The following WDR7 variants were observed in gnomAD, a reference collection of about 807,000 sequenced individuals.
The protein encoded by WDR7 is WD repeat domain 7.
Under a neutral mutation model 169.4 loss-of-function variants are expected in WDR7, and 46 were observed. That is an observed-to-expected ratio of 0.27 (90% CI 0.21 to 0.35). The LOEUF is 0.35. WDR7 is among the 10% of genes least tolerant of loss of function. The pLI, the probability that WDR7 is intolerant of heterozygous loss-of-function variation, is 1.00. For missense variants in WDR7, 1,534 were observed against 1,859.3 expected (o/e 0.83, Z 3.22); for synonymous variants, 612 against 666.8 (o/e 0.92, Z 1.27).
intron 15 of WDR7, among the ~76,000 whole-genome samples, chr18:56,758,065 GAAGTA>G (rs1301977027): frequency 6.6e-6 from 1 of 152,088 alleles, no homozygotes; most frequent in Non-Finnish European, 1.5e-5. Context: ...AATTTTGTGA[GAAGTA>G]TAGTCAGAAT....
Position 56,694,765 on chromosome 18 carries a change from T to C in WDR7, c.1108+5T>C. On this transcript the variant is annotated splice_donor_5th_base_variant and intron_variant, in intron 10 of 27. Transcript: ENST00000254442. ...ATAAACAGGGAAGTGAAGAAGGTAA[T>C]AGTAAATCATGTGTAACAATTTCTT... 6.3e-7 allele frequency: 1 copy of C among 1,599,906 alleles called. No homozygotes were observed. The highest frequency in any genetic ancestry group is 8.5e-7 in the Non-Finnish European group (1 of 1,174,354).
intron 26 of WDR7, among the ~76,000 whole-genome samples, chr18:56,983,883 C>A (rs1229840067): frequency 6.6e-6 from 1 of 152,026 alleles, no homozygotes; most frequent in Admixed American, 6.6e-5. Context: ...TGATTTGTTT[C>A]CTAAATTCAC....
In WDR7 at chr18:56,749,797, A is replaced by G. The variant is rs1435199204; in HGVS notation, c.1990-6786A>G. ...TACGTTTCTCTTTGTCACAGGATAA[A>G]ATGAAATACACTGAAAATATCATTA... On this transcript the variant is annotated intron_variant, in intron 14 of 27. Transcript: ENST00000254442. Among the ~76,000 whole-genome samples, 4 of 152,006 alleles carry G rather than the reference A, an allele frequency of 2.6e-5. No individual in the cohort carries two copies. The East Asian group carries it at 7.7e-4, about 29-fold the overall frequency.
chr18:56,993,779 A>G (rs191120854), intron 26 of WDR7, among the ~76,000 whole-genome samples: 1 of 152,198 alleles, frequency 6.6e-6, no homozygotes, highest in East Asian at 1.9e-4. Flanking sequence ...CAGGAATGAT[A>G]TTTTCCTGTA....
chr18:56,653,889 A>G (rs1234494470), intron 1 of WDR7, among the ~76,000 whole-genome samples: 3 of 152,266 alleles, frequency 2.0e-5, no homozygotes, highest in Non-Finnish European at 2.9e-5. Flanking sequence ...ATAGATCCAT[A>G]TGTGATTCTG....
At chr18:56,892,926 A>T (rs1038333434) in intron 21 of WDR7, among the ~76,000 whole-genome samples, 36 of 152,244 alleles carry the variant, frequency 2.4e-4, no homozygotes, top group African/African-American at 7.9e-4. Context: ...TAAAAATTAT[A>T]AAGCTGTTAT....
At chr18:56,947,645 C>T (rs954908672) in intron 25 of WDR7, among the ~76,000 whole-genome samples, 11 of 152,168 alleles carry the variant, frequency 7.2e-5, no homozygotes, top group Non-Finnish European at 1.3e-4. Context: ...ATGCTTGACT[C>T]AGTTGGATTA....
intron 19 of WDR7, among the ~76,000 whole-genome samples, chr18:56,795,114 T>C (rs980142826): frequency 2.0e-5 from 3 of 152,218 alleles, no homozygotes; most frequent in Non-Finnish European, 4.4e-5. Context: ...TTAATATGAA[T>C]TCATGGATTG....
chr18:56,739,034 T>A (rs922954831), intron 14 of WDR7, among the ~76,000 whole-genome samples: 6 of 151,856 alleles, frequency 4.0e-5, no homozygotes, highest in African/African-American at 1.2e-4. Context: ...CTAAATTGCT[T>A]CTTTATAAAC....
chr18:56,892,693 CAACAG>C (rs1174689442), intron 21 of WDR7, among the ~76,000 whole-genome samples: 2 of 152,026 alleles, frequency 1.3e-5, no homozygotes, highest in African/African-American at 4.8e-5. Context: ...AGGAAAAAGA[CAACAG>C]AAAACTACCA....
chr18:57,008,314 A>G (rs1164488601), intron 26 of WDR7, among the ~76,000 whole-genome samples: 3 of 152,158 alleles, frequency 2.0e-5, no homozygotes, highest in African/African-American at 4.8e-5. Context: ...CACCCTCTGC[A>G]GAATTTTCTT....
chr18:56,829,051 C>T, intron 20 of WDR7, among the ~76,000 whole-genome samples: 1 of 148,866 alleles, frequency 6.7e-6, no homozygotes, highest in East Asian at 2.0e-4. Flanking sequence ...CAGTGGCTCA[C>T]ATACGAGGAT....
chr18:56,779,921 A>G (rs542001246), intron 18 of WDR7, among the ~76,000 whole-genome samples: 20 of 152,342 alleles, frequency 1.3e-4, no homozygotes, highest in African/African-American at 3.6e-4. Flanking sequence ...TTCTAATTCA[A>G]TTGCCATATT....
At chr18:56,786,747 C>G (rs2044407004) in intron 19 of WDR7, among the ~76,000 whole-genome samples, 1 of 151,896 alleles carries the variant, frequency 6.6e-6, no homozygotes, top group African/African-American at 2.4e-5. Context: ...TGGTAATGGA[C>G]TTAAATAATA....
At chr18:56,725,713 A>G (rs1279787726) in intron 13 of WDR7, among the ~76,000 whole-genome samples, 2 of 152,108 alleles carry the variant, frequency 1.3e-5, no homozygotes, top group Non-Finnish European at 2.9e-5. Flanking sequence ...GGTGTTTTAG[A>G]CATGAAGTCC....
At chr18:56,734,030 A>G (rs2026643399) in intron 14 of WDR7, among the ~76,000 whole-genome samples, 1 of 149,896 alleles carries the variant, frequency 6.7e-6, no homozygotes, top group Admixed American at 6.6e-5. Context: ...CTCATAACTG[A>G]TTGTCTTAAG....
chr18:56,935,947 G>A, intron 23 of WDR7, 42 bp downstream of exon 23: 8 of 1,541,592 alleles, frequency 5.2e-6, no homozygotes, highest in Non-Finnish European at 7.1e-6. Context: ...CTCATTTAGA[G>A]GAATTATTTG....
chr18:56,842,629 T>G (rs985038829), intron 20 of WDR7, among the ~76,000 whole-genome samples: 2 of 152,232 alleles, frequency 1.3e-5, no homozygotes, highest in Admixed American at 6.5e-5. Context: ...GTATAGCCTA[T>G]TCAAAATTCC....
chr18:56,659,308 A>C (rs1598939575), intron 1 of WDR7, among the ~76,000 whole-genome samples: 1 of 152,354 alleles, frequency 6.6e-6, no homozygotes, highest in African/African-American at 2.4e-5. Flanking sequence ...AAATCGGGAT[A>C]TACTTTAATT....
Sources: gnomAD v4.1 joint callset for allele counts (sites outside exome capture counted in the v4.1 genomes callset) on GRCh38, gnomAD v4.1.1 for gene constraint, MANE v1.5 for transcripts, NCBI Gene and HGNC (gene_info 2026-07-23, HGNC 2026-07-21) for gene names.